IL1RAPL2: variants seen among roughly 807,000 people sequenced by gnomAD.
IL1RAPL2 encodes X-linked interleukin-1 receptor accessory protein-like 2.
In IL1RAPL2, 3 loss-of-function variants were observed where a neutral mutation model predicts 44.1. The ratio of observed to expected loss-of-function variants is 0.07; its 90% CI spans 0.03 to 0.18. IL1RAPL2 has a LOEUF of 0.18. IL1RAPL2 is among the 10% of genes least tolerant of loss of function. The pLI, the probability that IL1RAPL2 is intolerant of heterozygous loss-of-function variation, is 1.00. For synonymous variants in IL1RAPL2, 181 were observed against 178.8 expected, an observed-to-expected ratio of 1.01 and a Z score of -0.10; for missense variants, 391 against 496.4, an observed-to-expected ratio of 0.79 and a Z score of 2.02.
chrX:104,983,669 A>G (rs1454954633), intron 2 of IL1RAPL2, among the ~76,000 whole-genome samples: 11 of 98,691 alleles, frequency 1.1e-4, no homozygotes, highest in Admixed American at 5.0e-4. Flanking sequence ...TAATATATAC[A>G]TAATATTATA....
chrX:105,653,801 C>T (rs889709095), intron 6 of IL1RAPL2, among the ~76,000 whole-genome samples: 2 of 111,636 alleles, frequency 1.8e-5, no homozygotes, highest in African/African-American at 6.5e-5. Context: ...AGAACCAGGG[C>T]CATCCACTGT....
intron 2 of IL1RAPL2, among the ~76,000 whole-genome samples, chrX:104,937,061 C>A (rs1449537607): frequency 2.7e-5 from 3 of 112,158 alleles, no homozygotes. Context: ...GCTCAGCCTG[C>A]TTCTTCAATA....
At chrX:104,771,344 A>G (rs2147597586) in intron 2 of IL1RAPL2, among the ~76,000 whole-genome samples, 1 of 112,578 alleles carries the variant, frequency 8.9e-6, no homozygotes, top group African/African-American at 3.2e-5. Flanking sequence ...TATAGGCTGC[A>G]GAATAAAGTA....
chrX:105,423,142 C>T (rs763535037), intron 5 of IL1RAPL2, among the ~76,000 whole-genome samples: 1 of 111,427 alleles, frequency 9.0e-6, no homozygotes, highest in Non-Finnish European at 1.9e-5. Flanking sequence ...CATATGTATA[C>T]AAACACGGTG....
intron 5 of IL1RAPL2, among the ~76,000 whole-genome samples, chrX:105,480,182 TATTCA>T (rs1447438826): frequency 8.9e-6 from 1 of 112,418 alleles, no homozygotes; most frequent in Non-Finnish European, 1.9e-5. Context: ...CAAATTCATT[TATTCA>T]ATTAAACAAA....
At chrX:104,946,659 T>A (rs1208652363) in intron 2 of IL1RAPL2, among the ~76,000 whole-genome samples, 3 of 96,753 alleles carry the variant, frequency 3.1e-5, no homozygotes, top group South Asian at 5.4e-4. Context: ...AGTGAGAATA[T>A]GCGGTGTTTG....
At chrX:104,977,164 C>T (rs1394933428) in intron 2 of IL1RAPL2, among the ~76,000 whole-genome samples, 1 of 111,781 alleles carries the variant, frequency 8.9e-6, no homozygotes, top group Non-Finnish European at 1.9e-5. Context: ...GACTGATCTT[C>T]CACATGGGAC....
chrX:105,159,183 GT>G (rs755011284), intron 2 of IL1RAPL2, among the ~76,000 whole-genome samples: 16 of 112,865 alleles, frequency 1.4e-4, no homozygotes, highest in African/African-American at 5.1e-4. Flanking sequence ...TACTCAAGTT[GT>G]AAAGCTAATA....
chrX:105,604,611 C>A (rs2037279667), intron 6 of IL1RAPL2, among the ~76,000 whole-genome samples: 1 of 111,063 alleles, frequency 9.0e-6, no homozygotes, highest in Non-Finnish European at 1.9e-5. Flanking sequence ...TCAAACTATT[C>A]CAAAGCATTT....
chrX:105,174,656 TG>T (rs749584304), intron 2 of IL1RAPL2, among the ~76,000 whole-genome samples: 24 of 112,030 alleles, frequency 2.1e-4, no homozygotes, highest in Middle Eastern at 4.6e-3. Flanking sequence ...GAAAATTTAT[TG>T]TGTACCAACA....
At chrX:104,947,858 C>A (rs767047360) in intron 2 of IL1RAPL2, among the ~76,000 whole-genome samples, 1 of 111,964 alleles carries the variant, frequency 8.9e-6, no homozygotes, top group African/African-American at 3.2e-5. Context: ...TGTGATGCCT[C>A]CGGCTTTCTT....
chrX:105,384,294 G>A (rs79489579), intron 5 of IL1RAPL2, among the ~76,000 whole-genome samples: 13,221 of 110,961 alleles, frequency 0.12, 1,931 homozygotes, highest in African/African-American at 0.41. Flanking sequence ...TATTTGGCTA[G>A]AGATAGGGAC....
chrX:105,461,035 T>A (rs746407651), intron 5 of IL1RAPL2, among the ~76,000 whole-genome samples: 7 of 111,904 alleles, frequency 6.3e-5, no homozygotes, highest in Middle Eastern at 4.6e-3. Context: ...TATTTGCTAG[T>A]TTTTTATGTA....
At chrX:105,047,137 T>G (rs924978637) in intron 2 of IL1RAPL2, among the ~76,000 whole-genome samples, 1 of 111,336 alleles carries the variant, frequency 9.0e-6, no homozygotes, top group Admixed American at 9.6e-5. Context: ...TGCAGGGAGT[T>G]GCATATACCC....
At chrX:105,108,817 G>A (rs2032772504) in intron 2 of IL1RAPL2, among the ~76,000 whole-genome samples, 1 of 111,609 alleles carries the variant, frequency 9.0e-6, no homozygotes, top group African/African-American at 3.3e-5. Context: ...TTTTACAAAC[G>A]TAAATTAGAT....
chrX:105,739,708 A>T (rs2038482014), intron 7 of IL1RAPL2, among the ~76,000 whole-genome samples: 1 of 104,823 alleles, frequency 9.5e-6, no homozygotes, highest in Non-Finnish European at 2.0e-5. Context: ...ATAGTATTCC[A>T]TGGTGTATAT....
intron 6 of IL1RAPL2, among the ~76,000 whole-genome samples, chrX:105,698,401 C>G (rs1465909576): frequency 1.8e-5 from 2 of 111,795 alleles, no homozygotes; most frequent in African/African-American, 6.5e-5. Flanking sequence ...CACTTTTTCT[C>G]TTGTCTGGTA....
chrX:104,906,438 G>C (rs1415341577), intron 2 of IL1RAPL2, among the ~76,000 whole-genome samples: 2 of 111,060 alleles, frequency 1.8e-5, no homozygotes, highest in Non-Finnish European at 3.8e-5. Flanking sequence ...ATTGGCTGTG[G>C]GTTTGTCATA....
At position 105,272,454 on chromosome X, in the gene IL1RAPL2, C is replaced by G. The variant is rs149263036; in HGVS notation, c.697+4913C>G. ...GCTTTTTAGACATGAGCATTAGCTA[C>G]TTAGAAGAAACCACTAACCTGTTTC... On this transcript the variant is annotated intron_variant, in intron 5 of 10. Coordinates refer to ENST00000372582, the MANE Select transcript of IL1RAPL2 (RefSeq NM_017416.2). Among the ~76,000 whole-genome samples, 941 of 111,841 alleles carry G rather than the reference C, an allele frequency of 8.4e-3. 5 individuals carry two copies. Among genetic ancestry groups the G allele is most frequent in the Middle Eastern group, 0.019 (4 of 214 alleles).
Sources: gnomAD v4.1 joint callset for allele counts (sites outside exome capture counted in the v4.1 genomes callset) on GRCh38, gnomAD v4.1.1 for gene constraint, MANE v1.5 for transcripts, NCBI Gene and HGNC (gene_info 2026-07-23, HGNC 2026-07-21) for gene names.